Variants in RNF130 observed in about 807,000 individuals in gnomAD.
The protein encoded by RNF130 is E3 ubiquitin-protein ligase RNF130.
RNF130 carries 21 observed loss-of-function variants against 44.6 expected under a neutral mutation model. The observed-to-expected ratio is 0.47, with a 90% confidence interval of 0.33 to 0.68. The LOEUF (loss-of-function observed/expected upper bound fraction) is 0.68, where lower values mean the gene tolerates loss of function less well. Among genes scored for constraint, RNF130 ranks in the 30% least tolerant of loss-of-function variants. The pLI, the probability that RNF130 is intolerant of heterozygous loss-of-function variation, is 0.02. For synonymous variants in RNF130, 214 were observed against 210.4 expected (o/e 1.02, Z -0.15); for missense variants, 479 against 560.6 (o/e 0.85, Z 1.47).
chr5:179,988,194 T>A (rs1418669583), intron 3 of RNF130, among the ~76,000 whole-genome samples: 1 of 152,246 alleles, frequency 6.6e-6, no homozygotes. Flanking sequence ...TAGGAATGTA[T>A]CCATTTTCTC....
intron 7 of RNF130, among the ~76,000 whole-genome samples, chr5:179,964,700 T>A (rs1455265254): frequency 3.3e-5 from 5 of 152,258 alleles, no homozygotes; most frequent in Non-Finnish European, 7.3e-5. Flanking sequence ...AGGTGGTGAC[T>A]TTCAAAAGGT....
In RNF130 at chr5:180,071,551, G is replaced by T; in HGVS notation, c.152C>A (p.Pro51Gln). 2 of 1,420,546 alleles carry T rather than the reference G, an allele frequency of 1.4e-6. No individual in the cohort carries two copies. The highest frequency in any genetic ancestry group is 9.3e-7 in the Non-Finnish European group (1 of 1,079,088). The allele number at this position is 1,420,546 out of a possible 1,614,324, so 88.0% of individuals were successfully genotyped here. Reference protein sequence around the residue: ...VTVQEPGRGAPLTFRIDRGRY... With the variant: ...VTVQEPGRGAQLTFRIDRGRY... ...CCCGCGGTCGATGCGAAACGTGAGC[G>T]GGGCGCCGCGGCCGGGCTCCTGCAC... Residue 51 changes from proline to glutamine, a missense_variant, in exon 1 of 9, where the codon CCG becomes CAG. Pro to Gln is a moderately conservative substitution (Grantham distance 76, BLOSUM62 -1). Coordinates refer to ENST00000521389, the MANE Select transcript of RNF130 (RefSeq NM_018434.6).
At chr5:180,019,715 TA>T (rs1421138572) in intron 2 of RNF130, among the ~76,000 whole-genome samples, 2 of 152,248 alleles carry the variant, frequency 1.3e-5, no homozygotes, top group Admixed American at 6.5e-5. Flanking sequence ...ATGGAGGTTA[TA>T]TCAATTATAG....
At chr5:179,994,658 G>A (rs1039885944) in intron 3 of RNF130, among the ~76,000 whole-genome samples, 4 of 152,134 alleles carry the variant, frequency 2.6e-5, no homozygotes, top group East Asian at 1.9e-4. Flanking sequence ...GTGGTGTATC[G>A]GGTGGGTGAG....
At chr5:179,942,806 G>A (rs553520262) in intron 7 of RNF130, among the ~76,000 whole-genome samples, 18 of 152,180 alleles carry the variant, frequency 1.2e-4, no homozygotes, top group Non-Finnish European at 1.8e-4. Context: ...CATCCTCTGC[G>A]AATTTGCTGC....
chr5:180,042,724 A>G (rs1332658041), intron 1 of RNF130, among the ~76,000 whole-genome samples: 1 of 152,244 alleles, frequency 6.6e-6, no homozygotes, highest in Non-Finnish European at 1.5e-5. Flanking sequence ...ACCCTGGAAG[A>G]AAACGCAAAA....
downstream of RNF130, among the ~76,000 whole-genome samples, chr5:179,951,686 A>C (rs1462807121): frequency 4.6e-5 from 7 of 152,174 alleles, no homozygotes. Context: ...AGCCTTAATA[A>C]ATTTATGATT....
intron 1 of RNF130, among the ~76,000 whole-genome samples, chr5:180,054,034 C>T (rs1312992656): frequency 2.0e-5 from 3 of 151,998 alleles, no homozygotes; most frequent in Non-Finnish European, 4.4e-5. Flanking sequence ...CCAGGATGGG[C>T]TCCATCTCTT....
chr5:180,047,067 A>T (rs1374303801), intron 1 of RNF130, among the ~76,000 whole-genome samples: 1 of 152,216 alleles, frequency 6.6e-6, no homozygotes, highest in Non-Finnish European at 1.5e-5. Context: ...TGCTTCCTAC[A>T]AAAGAGGTAA....
At chr5:180,015,712 G>GGGAAAGGAGTA in intron 2 of RNF130, among the ~76,000 whole-genome samples, 1 of 135,460 alleles carries the variant, frequency 7.4e-6, no homozygotes, top group African/African-American at 2.8e-5. Context: ...GAAAGGAGTA[G>GGGAAAGGAGTA]GGAAAGGAGT....
chr5:179,973,386 C>T (rs1464293296), intron 5 of RNF130, among the ~76,000 whole-genome samples: 1 of 152,224 alleles, frequency 6.6e-6, no homozygotes, highest in Admixed American at 6.5e-5. Flanking sequence ...GTGCAACTTT[C>T]ACTGAACTCA....
intron 2 of RNF130, among the ~76,000 whole-genome samples, chr5:180,021,891 G>A (rs12521533): frequency 2.0e-5 from 3 of 152,260 alleles, no homozygotes; most frequent in African/African-American, 4.8e-5. Context: ...CAGCAGCCCA[G>A]GTCCGAGTCA....
At chr5:179,973,907 G>A (rs1436599939) in intron 5 of RNF130, among the ~76,000 whole-genome samples, 1 of 152,126 alleles carries the variant, frequency 6.6e-6, no homozygotes, top group African/African-American at 2.4e-5. Flanking sequence ...GAAATACTTG[G>A]GGATACAGAA....
rs1345560036 is a variant in RNF130 at position 179,977,364 on chromosome 5, C to A, written c.848+839G>T. 2.0e-5 allele frequency: 3 copies of A among 152,196 alleles called. No homozygotes were observed. Among genetic ancestry groups the A allele is most frequent in the Non-Finnish European group, 2.9e-5 (2 of 68,036 alleles). The allele number at this position is 152,196 out of a possible 1,614,324, so 9.4% of individuals were successfully genotyped here. A position where few individuals can be genotyped will look rare whatever the true frequency, so the allele number is the denominator to read the frequency against. ...CCAGGTGAGCTCGATGGAAGTCTCA[C>A]TGAAGGGCTTGGAGATGTAGTCTAA... On this transcript the variant is annotated intron_variant, in intron 5 of 8. Transcript: ENST00000521389. This position sits in a 1 kb window ranked among gnomAD's most constrained non-coding sequence, Gnocchi z 4.1.
chr5:179,928,880 C>T (rs1463127973), intron 7 of RNF130, among the ~76,000 whole-genome samples: 6 of 152,128 alleles, frequency 3.9e-5, no homozygotes, highest in African/African-American at 1.2e-4. Context: ...CCCCCTGCCT[C>T]GGCCTCCCAA....
intron 1 of RNF130, among the ~76,000 whole-genome samples, chr5:180,054,732 T>C (rs1424727380): frequency 6.6e-6 from 1 of 152,178 alleles, no homozygotes; most frequent in Non-Finnish European, 1.5e-5. Flanking sequence ...CCATATGAAG[T>C]TCTGGTATTT....
Position 180,049,689 on chromosome 5 carries a change from C to T in RNF130, c.248-9042G>A, listed in dbSNP as rs374673219. On this transcript the variant is annotated intron_variant, in intron 1 of 8. Coordinates refer to ENST00000521389, the MANE Select transcript of RNF130 (RefSeq NM_018434.6). ...CTGAGAAGCAGCCCACAGGTTAAAT[C>T]AGACTGCAAAAGGAGTCTCAACTGC... Among the ~76,000 whole-genome samples, 18 of 152,300 alleles carry T rather than the reference C, an allele frequency of 1.2e-4. No individual in the cohort carries two copies. In the East Asian group the frequency reaches 1.9e-3, roughly 16 times the overall value.
chr5:180,018,409 C>T (rs937822256), intron 2 of RNF130, among the ~76,000 whole-genome samples: 2 of 152,166 alleles, frequency 1.3e-5, no homozygotes, highest in African/African-American at 4.8e-5. Flanking sequence ...GGCACCTCTT[C>T]ACAGGGCAGC....
intron 2 of RNF130, among the ~76,000 whole-genome samples, chr5:180,024,772 G>A (rs555373451): frequency 2.0e-5 from 3 of 152,328 alleles, no homozygotes; most frequent in Admixed American, 6.5e-5. Context: ...AAAGCCTACC[G>A]TTTTTTCATG....
Sources: gnomAD v4.1 joint callset for allele counts (sites outside exome capture counted in the v4.1 genomes callset) on GRCh38, gnomAD v4.1.1 for gene constraint, Gnocchi (gnomAD v3.1) non-coding constraint, MANE v1.5 for transcripts, NCBI Gene and HGNC (gene_info 2026-07-23, HGNC 2026-07-21) for gene names.